The following SLIT3 variants were observed in gnomAD, a reference collection of about 807,000 sequenced individuals.
SLIT3 encodes the protein slit homolog 3 protein.
Under a neutral mutation model 184.0 loss-of-function variants are expected in SLIT3, and 68 were observed. That is an observed-to-expected ratio of 0.37 (90% CI 0.30 to 0.45). SLIT3 has a LOEUF of 0.45. SLIT3 is among the 20% of genes least tolerant of loss of function. SLIT3 has a pLI of 1.00. For missense variants in SLIT3, 1,707 were observed against 2,026.0 expected (o/e 0.84, Z 3.02); for synonymous variants, 831 against 828.6 (o/e 1.00, Z -0.05).
intron 4 of SLIT3, among the ~76,000 whole-genome samples, chr5:169,013,814 C>T (rs1029686596): frequency 6.6e-5 from 10 of 152,204 alleles, no homozygotes; most frequent in Admixed American, 6.5e-4. Flanking sequence ...CTTACCTCTT[C>T]CTTCTTCCTC....
intron 14 of SLIT3, chr5:168,772,496 C>T (rs79301232): frequency 0.079 from 35,904 of 451,966 alleles, 1,827 homozygotes; most frequent in East Asian, 0.17. Flanking sequence ...CCCACCTTCT[C>T]CTTAGCTCTT....
intron 9 of SLIT3, among the ~76,000 whole-genome samples, chr5:168,796,040 G>A (rs946793687): frequency 6.6e-6 from 1 of 152,200 alleles, no homozygotes; most frequent in African/African-American, 2.4e-5. Flanking sequence ...GGGCAGAAAT[G>A]TCAATGGTTG....
At chr5:168,742,709 T>C (rs1159124147) in intron 20 of SLIT3, among the ~76,000 whole-genome samples, 1 of 141,010 alleles carries the variant, frequency 7.1e-6, no homozygotes. Flanking sequence ...GCTTATGAAG[T>C]GGTATATTAG....
chr5:169,252,644 C>A (rs1212819501), intron 1 of SLIT3, among the ~76,000 whole-genome samples: 2 of 152,120 alleles, frequency 1.3e-5, no homozygotes, highest in Admixed American at 1.3e-4. Context: ...GGGTTTTGGC[C>A]CTTGGAGTTT....
chr5:168,820,029 C>T (rs931263630), intron 7 of SLIT3, among the ~76,000 whole-genome samples: 3 of 152,128 alleles, frequency 2.0e-5, no homozygotes, highest in African/African-American at 7.2e-5. Flanking sequence ...AGATTCTTGC[C>T]TTTCACAACA....
intron 4 of SLIT3, among the ~76,000 whole-genome samples, chr5:169,133,809 G>C (rs1446858556): frequency 6.6e-6 from 1 of 152,186 alleles, no homozygotes; most frequent in Non-Finnish European, 1.5e-5. Context: ...GGCAGGCAAA[G>C]GGAGGAAGAA....
chr5:169,132,062 C>T (rs1761319646), intron 4 of SLIT3, among the ~76,000 whole-genome samples: 1 of 152,176 alleles, frequency 6.6e-6, no homozygotes, highest in African/African-American at 2.4e-5. Context: ...TTCCTCAGGA[C>T]TCAGAGTCCT....
At chr5:169,219,951 C>G (rs1010222521) in intron 3 of SLIT3, among the ~76,000 whole-genome samples, 15 of 152,192 alleles carry the variant, frequency 9.9e-5, no homozygotes, top group African/African-American at 2.9e-4. Flanking sequence ...GATGCAGAAT[C>G]AGACATGGAT....
At chr5:168,908,089 C>T (rs1025853911) in intron 4 of SLIT3, among the ~76,000 whole-genome samples, 2 of 150,926 alleles carry the variant, frequency 1.3e-5, no homozygotes, top group African/African-American at 4.9e-5. Flanking sequence ...AGGAGACTTT[C>T]ATTTTATACC....
intron 3 of SLIT3, among the ~76,000 whole-genome samples, chr5:169,193,922 A>C (rs1420829374): frequency 6.6e-6 from 1 of 152,132 alleles, no homozygotes; most frequent in Admixed American, 6.5e-5. Flanking sequence ...TGAAACTGGC[A>C]TGTGAAATAC....
At chr5:168,873,194 GC>G (rs1561980122) in intron 5 of SLIT3, among the ~76,000 whole-genome samples, 32 of 152,204 alleles carry the variant, frequency 2.1e-4, no homozygotes, top group African/African-American at 7.5e-4. Flanking sequence ...TTGGGATCCC[GC>G]TGTAGCCTTG....
chr5:168,709,268 G>T (rs1178237484), intron 25 of SLIT3, among the ~76,000 whole-genome samples: 2 of 152,042 alleles, frequency 1.3e-5, no homozygotes, highest in East Asian at 3.9e-4. Flanking sequence ...GCTAATTTTT[G>T]TATTTTTAGT....
At chr5:168,986,198 A>C (rs1278178613) in intron 4 of SLIT3, among the ~76,000 whole-genome samples, 4 of 152,174 alleles carry the variant, frequency 2.6e-5, no homozygotes, top group Non-Finnish European at 5.9e-5. Context: ...ATTCCCTGAC[A>C]GTGCTAGATG....
At chr5:169,289,520 C>T (rs1253615416) in intron 1 of SLIT3, among the ~76,000 whole-genome samples, 1 of 152,180 alleles carries the variant, frequency 6.6e-6, no homozygotes, top group African/African-American at 2.4e-5. Context: ...TTACATGCTA[C>T]CCTGGACATG....
chr5:169,093,976 C>A (rs1040276236), intron 4 of SLIT3, among the ~76,000 whole-genome samples: 10 of 152,182 alleles, frequency 6.6e-5, no homozygotes, highest in African/African-American at 2.4e-4. Context: ...ATACTATGTT[C>A]CTGGTACCGT....
intron 4 of SLIT3, among the ~76,000 whole-genome samples, chr5:168,907,138 G>A (rs576391200): frequency 1.2e-4 from 18 of 152,298 alleles, no homozygotes; most frequent in Non-Finnish European, 1.8e-4. Context: ...AGGGATTACA[G>A]GCATGAACCA....
chr5:169,141,156 C>A (rs1761722582), intron 4 of SLIT3, among the ~76,000 whole-genome samples: 2 of 152,168 alleles, frequency 1.3e-5, no homozygotes. Context: ...TTTGGGGATC[C>A]TTTCTCCCTC....
intron 7 of SLIT3, among the ~76,000 whole-genome samples, chr5:168,817,762 CATT>C (rs895859221): frequency 8.5e-5 from 13 of 152,286 alleles, no homozygotes; most frequent in African/African-American, 3.1e-4. Context: ...AGGGGAGTGA[CATT>C]ATTACAGTGA....
chr5:168,821,092 C>T (rs1267316012), intron 7 of SLIT3, among the ~76,000 whole-genome samples: 3 of 152,072 alleles, frequency 2.0e-5, no homozygotes, highest in East Asian at 1.9e-4. Context: ...AGAGAACAGA[C>T]GAGATTGATT....
Sources: gnomAD v4.1 joint callset for allele counts (sites outside exome capture counted in the v4.1 genomes callset) on GRCh38, gnomAD v4.1.1 for gene constraint, MANE v1.5 for transcripts, NCBI Gene and HGNC (gene_info 2026-07-23, HGNC 2026-07-21) for gene names.